The following PARD3B variants were observed in gnomAD, a reference collection of about 807,000 sequenced individuals.
PARD3B encodes par-3 family cell polarity regulator beta.
A neutral mutation model predicts 130.2 loss-of-function variants in PARD3B; 103 were observed. That is an observed-to-expected ratio of 0.79 (90% CI 0.67 to 0.93). The LOEUF (loss-of-function observed/expected upper bound fraction) is 0.93. Among genes scored for constraint, PARD3B ranks in the 40% least tolerant of loss-of-function variants. PARD3B has a pLI of 0.00. For missense variants in PARD3B, 1,609 were observed against 1,499.2 expected, an observed-to-expected ratio of 1.07 and a Z score of -1.21; for synonymous variants, 583 against 553.2, an observed-to-expected ratio of 1.05 and a Z score of -0.76.
intron 22 of PARD3B, among the ~76,000 whole-genome samples, chr2:205,556,660 A>AAAGC (rs1175665728): frequency 6.6e-6 from 1 of 152,172 alleles, no homozygotes; most frequent in Non-Finnish European, 1.5e-5. Context: ...GCTGTTTTGG[A>AAAGC]AAGCGGAGTG....
chr2:204,607,418 A>G (rs1170607065), intron 1 of PARD3B, among the ~76,000 whole-genome samples: 7 of 152,166 alleles, frequency 4.6e-5, no homozygotes, highest in Admixed American at 4.6e-4. Context: ...GAAGGCAAAT[A>G]GAGGATGGCA....
At position 204,545,856 on chromosome 2, in the gene PARD3B, A is replaced by T; in HGVS notation, c.-144A>T. ...GCCAGGTGGAAGGGGCGCTGCCGCG[A>T]GCCTCCGGGCCTCAGGGTGTTCCGG... On this transcript the variant is annotated 5_prime_UTR_variant, in exon 1 of 23. Transcript: ENST00000406610. The T allele has an allele frequency of 1.1e-6, 1 of 876,698 alleles. No individual in the cohort carries two copies. The allele number at this position is 876,698 out of a possible 1,614,324, so 54.3% of individuals were successfully genotyped here.
At chr2:205,355,197 A>G (rs1005300543) in intron 18 of PARD3B, among the ~76,000 whole-genome samples, 2 of 152,168 alleles carry the variant, frequency 1.3e-5, no homozygotes, top group Non-Finnish European at 2.9e-5. Flanking sequence ...GAACAGTCCC[A>G]ATGTTTTCAT....
intron 2 of PARD3B, among the ~76,000 whole-genome samples, chr2:204,798,400 GC>G (rs1262020643): frequency 1.3e-5 from 2 of 152,102 alleles, no homozygotes; most frequent in Admixed American, 1.3e-4. Context: ...GCTTCTGCCA[GC>G]CCCCCCACAG....
intron 4 of PARD3B, among the ~76,000 whole-genome samples, chr2:205,090,307 T>G (rs1156250128): frequency 1.3e-5 from 2 of 152,212 alleles, no homozygotes; most frequent in African/African-American, 2.4e-5. Flanking sequence ...GATTTCCTCT[T>G]TTTCATTTGG....
intron 3 of PARD3B, among the ~76,000 whole-genome samples, chr2:205,020,028 G>T (rs138306555): frequency 3.9e-4 from 60 of 152,166 alleles, no homozygotes; most frequent in African/African-American, 1.3e-3. Context: ...AGCTGTTGCC[G>T]CTTTCTAATC....
At chr2:205,117,185 A>T (rs542461657) in intron 6 of PARD3B, among the ~76,000 whole-genome samples, 1 of 152,320 alleles carries the variant, frequency 6.6e-6, no homozygotes, top group African/African-American at 2.4e-5. Context: ...GAAAAAACCC[A>T]TAAGTTTTAT....
At chr2:205,507,708 C>G (rs1225162710) in intron 21 of PARD3B, among the ~76,000 whole-genome samples, 3 of 152,110 alleles carry the variant, frequency 2.0e-5, no homozygotes, top group Non-Finnish European at 2.9e-5. Flanking sequence ...ACTTCGAGTT[C>G]TAATAATGAT....
At chr2:204,925,696 G>C (rs1377541373) in intron 2 of PARD3B, among the ~76,000 whole-genome samples, 1 of 152,070 alleles carries the variant, frequency 6.6e-6, no homozygotes, top group Non-Finnish European at 1.5e-5. Flanking sequence ...ACCTCCAAGA[G>C]ACATTATTGA....
chr2:205,264,183 A>G (rs1444727763), intron 16 of PARD3B, among the ~76,000 whole-genome samples: 1 of 151,020 alleles, frequency 6.6e-6, no homozygotes, highest in African/African-American at 2.4e-5. Flanking sequence ...AGAGAGATCA[A>G]TCAAGGTTAG....
chr2:205,056,601 A>G (rs936291229), intron 4 of PARD3B, among the ~76,000 whole-genome samples: 5 of 151,690 alleles, frequency 3.3e-5, no homozygotes, highest in African/African-American at 1.2e-4. Context: ...AAAAAAAAAA[A>G]TTGCTACTTT....
At chr2:205,468,692 G>A (rs78538940) in intron 20 of PARD3B, among the ~76,000 whole-genome samples, 3 of 152,052 alleles carry the variant, frequency 2.0e-5, no homozygotes, top group South Asian at 2.1e-4. Context: ...GCATTTTCAC[G>A]GTGAGCATCA....
intron 16 of PARD3B, among the ~76,000 whole-genome samples, chr2:205,271,570 C>A (rs2040725663): frequency 6.6e-6 from 1 of 152,110 alleles, no homozygotes; most frequent in Admixed American, 6.5e-5. Flanking sequence ...TAATTTCAGC[C>A]CAAAGCAGAA....
At chr2:205,362,708 A>G (rs891423598) in intron 18 of PARD3B, among the ~76,000 whole-genome samples, 1 of 152,356 alleles carries the variant, frequency 6.6e-6, no homozygotes, top group Non-Finnish European at 1.5e-5. Flanking sequence ...TTTATGTGAC[A>G]TAAATTCTGC....
intron 2 of PARD3B, among the ~76,000 whole-genome samples, chr2:204,753,437 G>A (rs1232083965): frequency 2.6e-5 from 4 of 152,054 alleles, no homozygotes; most frequent in African/African-American, 9.7e-5. Context: ...AGGTATTATA[G>A]TTACTAGAAA....
At chr2:204,560,777 T>A (rs2031256965) in intron 1 of PARD3B, among the ~76,000 whole-genome samples, 1 of 152,096 alleles carries the variant, frequency 6.6e-6, no homozygotes, top group African/African-American at 2.4e-5. Context: ...TGGACCTACC[T>A]TTTTTATTGA....
chr2:205,391,840 C>A (rs950496279), intron 18 of PARD3B, among the ~76,000 whole-genome samples: 2 of 152,062 alleles, frequency 1.3e-5, no homozygotes, highest in Non-Finnish European at 2.9e-5. Flanking sequence ...TAATTTCTGG[C>A]CTTTTTTTCA....
intron 20 of PARD3B, among the ~76,000 whole-genome samples, chr2:205,444,184 C>T (rs1386600051): frequency 2.0e-5 from 3 of 152,100 alleles, no homozygotes; most frequent in Admixed American, 6.5e-5. Context: ...GGTTTTGCCA[C>T]GTTGACCAGG....
chr2:204,764,934 T>G (rs1244593557), intron 2 of PARD3B, among the ~76,000 whole-genome samples: 1 of 151,930 alleles, frequency 6.6e-6, no homozygotes, highest in Non-Finnish European at 1.5e-5. Flanking sequence ...GAAGGACTGA[T>G]GCATTTTTTT....
Sources: gnomAD v4.1 joint callset for allele counts (sites outside exome capture counted in the v4.1 genomes callset) on GRCh38, gnomAD v4.1.1 for gene constraint, MANE v1.5 for transcripts, NCBI Gene and HGNC (gene_info 2026-07-23, HGNC 2026-07-21) for gene names.